Variants in PFKP observed in about 807,000 individuals in gnomAD.
PFKP encodes phosphofructokinase, platelet.
In PFKP, 101 loss-of-function variants were observed where a neutral mutation model predicts 94.3. The ratio of observed to expected loss-of-function variants is 1.07; its 90% CI spans 0.91 to 1.26. The LOEUF is 1.26. Ranked by LOEUF, PFKP falls within the 50% of genes most tolerant of loss-of-function variation. The probability of loss-of-function intolerance (pLI) is 0.00; values close to 1 mark genes in which losing one functional copy is unlikely to be tolerated. For missense variants in PFKP, 1,145 were observed against 1,103.3 expected, an observed-to-expected ratio of 1.04 and a Z score of -0.53; for synonymous variants, 573 against 432.6, an observed-to-expected ratio of 1.32 and a Z score of -4.03.
At chr10:3,093,843 C>T (rs989823730) in intron 2 of PFKP, among the ~76,000 whole-genome samples, 2 of 152,092 alleles carry the variant, frequency 1.3e-5, no homozygotes, top group African/African-American at 2.4e-5. Flanking sequence ...TGGGGTTTCA[C>T]CGTGTTAGCC....
intron 10 of PFKP, among the ~76,000 whole-genome samples, chr10:3,111,518 G>C (rs1290586196): frequency 6.6e-6 from 1 of 152,126 alleles, no homozygotes; most frequent in Non-Finnish European, 1.5e-5. Context: ...CCACCCTTGT[G>C]TGGCTTTGTT....
chr10:3,103,302 C>G (rs1000405025), intron 4 of PFKP, among the ~76,000 whole-genome samples: 4 of 152,208 alleles, frequency 2.6e-5, no homozygotes, highest in African/African-American at 9.7e-5. Flanking sequence ...CCAGCTTTGT[C>G]TGGCTTCTCT....
intron 16 of PFKP, among the ~76,000 whole-genome samples, chr10:3,126,479 C>T (rs919943987): frequency 6.6e-6 from 1 of 152,208 alleles, no homozygotes; most frequent in Non-Finnish European, 1.5e-5. Flanking sequence ...TCCACCCTCG[C>T]GCCCCACACG....
intron 5 of PFKP, chr10:3,104,808 G>T (rs1370086847): frequency 4.3e-6 from 2 of 465,198 alleles, no homozygotes; most frequent in Non-Finnish European, 7.7e-6. Context: ...AAAGAGCCCA[G>T]CACGGGGCCG....
chr10:3,073,142 A>G (rs1010178856), intron 1 of PFKP, among the ~76,000 whole-genome samples: 4 of 151,908 alleles, frequency 2.6e-5, no homozygotes, highest in African/African-American at 7.3e-5. Flanking sequence ...CAGAGCACTG[A>G]GAGGCAGAGA....
chr10:3,104,694 T>C (rs796581152), intron 5 of PFKP: 36 of 245,416 alleles, frequency 1.5e-4, no homozygotes, highest in African/African-American at 8.4e-4. Flanking sequence ...TCTCTGGGCA[T>C]TAAGCACTTA....
At position 3,136,600 on chromosome 10, in the gene PFKP, C is replaced by T. The variant is rs146550313; in HGVS notation, c.*21C>T. Reference sequence around the variant, plus strand: ...TCTGACCCAGTCCCGCCTGCATGTGCCTGCAGCCACCGTGGACTGTCTGTT... The same window carrying T: ...TCTGACCCAGTCCCGCCTGCATGTGTCTGCAGCCACCGTGGACTGTCTGTT... On this transcript the variant is annotated 3_prime_UTR_variant, in exon 22 of 22. Coordinates refer to ENST00000381125, the MANE Select transcript of PFKP (RefSeq NM_002627.5). 2.1e-3 allele frequency: 3,363 copies of T among 1,611,840 alleles called. 19 individuals carry two copies. Among genetic ancestry groups the T allele is most frequent in the Middle Eastern group, 0.012 (74 of 6,046 alleles).
At chr10:3,127,627 G>A (rs539405386) in intron 16 of PFKP, among the ~76,000 whole-genome samples, 1 of 152,338 alleles carries the variant, frequency 6.6e-6, no homozygotes, top group South Asian at 2.1e-4. Context: ...AGGTGGAACA[G>A]TGCAACCCTC....
At chr10:3,097,743 G>A (rs540295763) in intron 2 of PFKP, among the ~76,000 whole-genome samples, 7 of 152,318 alleles carry the variant, frequency 4.6e-5, no homozygotes, top group South Asian at 4.1e-4. Flanking sequence ...GGTGGCTCAC[G>A]CCTGTAATCC....
intron 14 of PFKP, 136 bp downstream of exon 14, chr10:3,116,982 C>G: frequency 2.8e-6 from 2 of 726,502 alleles, no homozygotes; most frequent in South Asian, 1.5e-5. Context: ...CAGGCAGTTA[C>G]CGGTCCTCCC....
chr10:3,136,712 C>A lies in PFKP; in HGVS notation c.*133C>A. 1 of 875,656 alleles carries A rather than the reference C, an allele frequency of 1.1e-6. No individual in the cohort carries two copies. The highest frequency in any genetic ancestry group is 1.8e-6 in the Non-Finnish European group (1 of 564,322). The allele number at this position is 875,656 out of a possible 1,614,324, so 54.2% of individuals were successfully genotyped here. ...ATCGGCGAGTGCCCATCTGCCCCACCTGCTCCAGTGCGTGCTGTCTGTGGA... is the reference window on the plus strand; with the variant it reads ...ATCGGCGAGTGCCCATCTGCCCCACATGCTCCAGTGCGTGCTGTCTGTGGA... On this transcript the variant is annotated 3_prime_UTR_variant, in exon 22 of 22. Coordinates refer to ENST00000381125, the MANE Select transcript of PFKP (RefSeq NM_002627.5).
chr10:3,127,227 C>T (rs918271658), intron 16 of PFKP, among the ~76,000 whole-genome samples: 1 of 152,256 alleles, frequency 6.6e-6, no homozygotes, highest in East Asian at 1.9e-4. Context: ...TCTTCCGTAC[C>T]AGCTGTCGCT....
At chr10:3,116,078 G>A (rs893361114) in intron 13 of PFKP, among the ~76,000 whole-genome samples, 1 of 130,870 alleles carries the variant, frequency 7.6e-6, no homozygotes, top group South Asian at 2.5e-4. Flanking sequence ...AAAAAATATT[G>A]CCTTCAAAAC....
chr10:3,073,863 G>C (rs1306719326), intron 1 of PFKP, among the ~76,000 whole-genome samples: 1 of 152,016 alleles, frequency 6.6e-6, no homozygotes, highest in East Asian at 1.9e-4. Flanking sequence ...TTTGAGACGG[G>C]ATCTTGCCCT....
In PFKP at chr10:3,113,465, G is replaced by A. The variant is rs764600497; in HGVS notation, c.1318G>A (p.Gly440Ser). Reference sequence around the variant, plus strand: ...AGCTGTGCGCGTGGGCATTGCCGACGGCCACAGGATGCTCGCCATCTATGA... The same window carrying A: ...AGCTGTGCGCGTGGGCATTGCCGACAGCCACAGGATGCTCGCCATCTATGA... ...RSAVRVGIAD[G>S]HRMLAIYDGF... Residue 440 changes from glycine to serine, a missense_variant, in exon 13 of 22, where the codon GGC (glycine) becomes AGC (serine). Physicochemically the swap from Gly to Ser is moderately conservative, Grantham distance 56 (BLOSUM62 0). Transcript: ENST00000381125. 26 of 1,613,124 alleles carry A rather than the reference G, an allele frequency of 1.6e-5. No homozygotes were observed. The highest frequency in any genetic ancestry group is 3.3e-5 in the Admixed American group (2 of 59,910).
At chr10:3,069,109 C>T (rs1564251705) in intron 1 of PFKP, 6 of 434,614 alleles carry the variant, frequency 1.4e-5, no homozygotes, top group Non-Finnish European at 2.0e-5. Context: ...GCGCCGCGCG[C>T]TCCCCAGGCC....
At chr10:3,088,202 G>A (rs1248474778) in intron 2 of PFKP, among the ~76,000 whole-genome samples, 1 of 134,328 alleles carries the variant, frequency 7.4e-6, no homozygotes, top group South Asian at 2.3e-4. Flanking sequence ...GTGTCCATGT[G>A]TTCTCATTGT....
rs1468761535 is a variant in PFKP at position 3,135,805 on chromosome 10, C to T, written c.2192C>T (p.Pro731Leu). The T allele has an allele frequency of 6.2e-7, 1 of 1,613,408 alleles. No individual in the cohort carries two copies. Among genetic ancestry groups the T allele is most frequent in the Non-Finnish European group, 8.5e-7 (1 of 1,179,396 alleles). The change falls in exon 21 of 22, where the codon CCT (proline) becomes CTT (leucine). Residue 731 changes from proline (P) to leucine (L), a missense_variant. This residue lies in a region of PFKP where 1,119 missense variants were observed against 1,062.8 expected (regional missense o/e 1.05). Transcript: ENST00000381125. ...GISKRNVIFQ[P>L]VAELKKQTDF... ...AGCAAAAGAAACGTTATTTTTCAAC[C>T]TGTGGCAGAGCTGAAGAAGCAAACG...
At chr10:3,100,841 A>AT (rs1269454564) in intron 3 of PFKP, 1 of 624,740 alleles carries the variant, frequency 1.6e-6, no homozygotes, top group African/African-American at 2.2e-5. Flanking sequence ...GCTCTTTAAA[A>AT]GGGGCAGCGA....
Sources: gnomAD v4.1 joint callset for allele counts (sites outside exome capture counted in the v4.1 genomes callset) on GRCh38, gnomAD v4.1.1 for gene constraint, gnomAD v4.1.1 regional missense constraint, MANE v1.5 for transcripts, NCBI Gene and HGNC (gene_info 2026-07-23, HGNC 2026-07-21) for gene names.